The following DEFB1 variants were observed in gnomAD, a reference collection of about 807,000 sequenced individuals.
The protein encoded by DEFB1 is beta-defensin 1.
DEFB1 carries 4 observed loss-of-function variants against 2.6 expected under a neutral mutation model. The observed-to-expected ratio is 1.53, with a 90% CI of 0.76 to 3.51. DEFB1 has a LOEUF of 3.51. Among genes scored for constraint, DEFB1 ranks in the 30% most tolerant of loss-of-function variants. The pLI is 0.01. For missense variants in DEFB1, 162 were observed against 76.9 expected (o/e 2.11, Z -4.14); for synonymous variants, 56 against 28.5 (o/e 1.96, Z -3.07).
rs543890201 is a variant in DEFB1 at position 6,872,794 on chromosome 8, A to T, written c.62-1968T>A. 1.4e-4 allele frequency among the ~76,000 whole-genome samples: 22 copies of T among 152,178 alleles called. 1 individual carries two copies. Among genetic ancestry groups the T allele is most frequent in the Admixed American group, 3.9e-4 (6 of 15,284 alleles). On this transcript the variant is annotated intron_variant, in intron 1 of 1. Coordinates refer to ENST00000297439, the MANE Select transcript of DEFB1 (RefSeq NM_005218.4). The stretch of plus-strand genomic sequence containing the variant: ...TGTACTATGTTTTAATAATCTCGCC[A>T]TAATGTTGACCTCAAGTAAGATCAT...
rs1442416047 is a variant in DEFB1, at chr8:6,870,624, G to T, written c.*57C>A. 3.2e-6 allele frequency: 5 copies of T among 1,577,452 alleles called. No homozygotes were observed. The highest frequency in any genetic ancestry group is 4.5e-5 in the East Asian group (2 of 44,574). On this transcript the variant is annotated 3_prime_UTR_variant, in exon 2 of 2. Coordinates refer to ENST00000297439, the MANE Select transcript of DEFB1 (RefSeq NM_005218.4). Reference sequence around the variant, plus strand: ...CAAAAGCAATTTTCCTTTATTAAAAGAATGCTTATAAAAAGTTCATTTCAC... The same window carrying T: ...CAAAAGCAATTTTCCTTTATTAAAATAATGCTTATAAAAAGTTCATTTCAC...
chr8:6,875,064 C>CCACACA (rs61101914), intron 1 of DEFB1, among the ~76,000 whole-genome samples: 97 of 135,720 alleles, frequency 7.1e-4, no homozygotes, highest in South Asian at 1.2e-3. Flanking sequence ...CATACCGAAG[C>CCACACA]CACACACACA....
intron 1 of DEFB1, among the ~76,000 whole-genome samples, chr8:6,871,052 G>A (rs2741124): frequency 0.77 from 116,898 of 152,264 alleles, 45,789 homozygotes; most frequent in African/African-American, 0.93. Context: ...CAAGGAATGA[G>A]CAGTGGGGTT....
At chr8:6,871,543 C>G (rs148465399) in intron 1 of DEFB1, among the ~76,000 whole-genome samples, 149 of 152,286 alleles carry the variant, frequency 9.8e-4, no homozygotes, top group African/African-American at 3.4e-3. Context: ...GCGTTTTGGA[C>G]TGAACTGAAT....
At chr8:6,877,326 G>T (rs2293960) in intron 1 of DEFB1, among the ~76,000 whole-genome samples, 2 of 152,236 alleles carry the variant, frequency 1.3e-5, no homozygotes, top group Non-Finnish European at 2.9e-5. Flanking sequence ...TGCCTGCACA[G>T]GAGGTGAGTC....
intron 1 of DEFB1, 58 bp from the exon 2 acceptor site, chr8:6,870,884 G>C (rs1806287946): frequency 1.3e-6 from 2 of 1,546,016 alleles, no homozygotes; most frequent in East Asian, 2.3e-5. Context: ...AACGATTTGA[G>C]AACATCTCGC....
chr8:6,870,950 G>A lies in DEFB1; in HGVS notation c.62-124C>T, dbSNP rs563224561. On this transcript the variant is annotated intron_variant, in intron 1 of 1. Coordinates refer to ENST00000297439, the MANE Select transcript of DEFB1 (RefSeq NM_005218.4). ...GAGAGTCTTCTCTTCCAAGAAATTGGCCCATGATTGATCTTTGGGGCTACT... is the reference window on the plus strand; with the variant it reads ...GAGAGTCTTCTCTTCCAAGAAATTGACCCATGATTGATCTTTGGGGCTACT... 2.3e-5 allele frequency: 25 copies of A among 1,089,656 alleles called. No homozygotes were observed. In the South Asian group the frequency reaches 2.7e-4, roughly 12 times the overall value. The allele number at this position is 1,089,656 out of a possible 1,614,324, so 67.5% of individuals were successfully genotyped here.
At chr8:6,875,799 C>A (rs1300477050) in intron 1 of DEFB1, among the ~76,000 whole-genome samples, 1 of 152,062 alleles carries the variant, frequency 6.6e-6, no homozygotes, top group African/African-American at 2.4e-5. Flanking sequence ...CACCTACTGG[C>A]CAATAGAAAT....
chr8:6,873,516 A>T (rs935683146), intron 1 of DEFB1, among the ~76,000 whole-genome samples: 5 of 152,226 alleles, frequency 3.3e-5, no homozygotes, highest in African/African-American at 9.6e-5. Context: ...GGAGGAGACT[A>T]CGCAGCCATA....
At chr8:6,874,808 C>T (rs2978866) in intron 1 of DEFB1, among the ~76,000 whole-genome samples, 125,044 of 151,902 alleles carry the variant, frequency 0.82, 51,671 homozygotes, top group Middle Eastern at 0.89. Context: ...ATGGTGAAAC[C>T]TGCTCTCTAC....
Position 6,870,656 on chromosome 8 carries a change from G to A in DEFB1, c.*25C>T, listed in dbSNP as rs377009979. 117 of 1,600,402 alleles carry A rather than the reference G, an allele frequency of 7.3e-5. No homozygotes were observed. The highest frequency in any genetic ancestry group is 2.0e-4 in the East Asian group (9 of 44,804). On this transcript the variant is annotated 3_prime_UTR_variant, in exon 2 of 2. Transcript: ENST00000297439. ...TATAAAAAGTTCATTTCACTTCTGC[G>A]TCATTTCTTCTGGTCACTCCCAGCT... is the stretch of plus-strand genomic sequence containing the variant.
chr8:6,871,800 C>G lies in DEFB1; in HGVS notation c.62-974G>C, dbSNP rs927202875. 4.1e-4 allele frequency among the ~76,000 whole-genome samples: 63 copies of G among 152,204 alleles called. 1 individual carries two copies. Among genetic ancestry groups the G allele is most frequent in the Admixed American group, 2.6e-4 (4 of 15,288 alleles). On this transcript the variant is annotated intron_variant, in intron 1 of 1. Transcript: ENST00000297439. ...GGACAGACACCTGAGAAGAAGCCAACCCTGCTTCCACCTTGATCGCAGACT... is the reference window on the plus strand; with the variant it reads ...GGACAGACACCTGAGAAGAAGCCAAGCCTGCTTCCACCTTGATCGCAGACT...
At chr8:6,875,832 T>C (rs1033751377) in intron 1 of DEFB1, among the ~76,000 whole-genome samples, 1 of 150,964 alleles carries the variant, frequency 6.6e-6, no homozygotes, top group African/African-American at 2.4e-5. Flanking sequence ...CAAGCTGTAC[T>C]ATTCAACCTG....
At position 6,877,825 on chromosome 8, in the gene DEFB1, G is replaced by A; in HGVS notation, c.33C>T (p.Leu11=). The A allele has an allele frequency of 1.2e-6, 2 of 1,614,072 alleles. No individual in the cohort carries two copies. The highest frequency in any genetic ancestry group is 1.3e-5 in the African/African-American group (1 of 75,052). Residue 11 remains leucine, a synonymous_variant, in exon 1 of 2, where the codon CTC becomes CTT. Coordinates refer to ENST00000297439, the MANE Select transcript of DEFB1 (RefSeq NM_005218.4). ...AGGCCATCTCAGACAAAAGTAAGCA[G>A]AGAGTAAACAGCAGAAGGTAGGAAG... MRTSYLLLFT[L]CLLLSEMASG...
intron 1 of DEFB1, among the ~76,000 whole-genome samples, chr8:6,871,154 C>T (rs1047919860): frequency 6.6e-6 from 1 of 152,208 alleles, no homozygotes. Context: ...TCTCAACACA[C>T]CCCAAAATCA....
At chr8:6,874,359 TA>T (rs11356431) in intron 1 of DEFB1, among the ~76,000 whole-genome samples, 125,224 of 152,130 alleles carry the variant, frequency 0.82, 51,745 homozygotes, top group Middle Eastern at 0.89. Context: ...ATTACTTTTT[TA>T]AAAAAAATTA....
intron 1 of DEFB1, among the ~76,000 whole-genome samples, chr8:6,873,781 T>A (rs1339431650): frequency 6.6e-6 from 1 of 152,124 alleles, no homozygotes; most frequent in Non-Finnish European, 1.5e-5. Context: ...TGGGTCTGGG[T>A]TGGGGCTGAT....
intron 1 of DEFB1, among the ~76,000 whole-genome samples, chr8:6,877,295 C>G (rs1199189589): frequency 3.3e-5 from 5 of 152,336 alleles, no homozygotes; most frequent in African/African-American, 1.2e-4. Context: ...ATGCATTTCT[C>G]AGGAGAGGGA....
intron 1 of DEFB1, among the ~76,000 whole-genome samples, chr8:6,877,170 G>T (rs908797347): frequency 6.6e-6 from 1 of 152,170 alleles, no homozygotes; most frequent in Non-Finnish European, 1.5e-5. Flanking sequence ...CCTCCTGCAC[G>T]TCCCACCATC....
Sources: allele counts gnomAD v4.1 joint callset (sites outside exome capture counted in the v4.1 genomes callset), GRCh38; gene constraint gnomAD v4.1.1; transcripts MANE v1.5; gene names NCBI Gene and HGNC (gene_info 2026-07-23, HGNC 2026-07-21).